IL1RAPL1: variants seen among roughly 807,000 people sequenced by gnomAD.
IL1RAPL1 encodes the protein interleukin 1 receptor accessory protein like 1, also known as interleukin-1 receptor accessory protein-like 1.
In IL1RAPL1, 3 loss-of-function variants were observed where a neutral mutation model predicts 48.4. The ratio of observed to expected loss-of-function variants is 0.06; its 90% CI spans 0.03 to 0.16. The LOEUF is 0.16. Among genes scored for constraint, IL1RAPL1 ranks in the 10% least tolerant of loss-of-function variants. The pLI, the probability that IL1RAPL1 is intolerant of heterozygous loss-of-function variation, is 1.00. For synonymous variants in IL1RAPL1, 185 were observed against 187.7 expected, an observed-to-expected ratio of 0.99 and a Z score of 0.12; for missense variants, 349 against 530.6, an observed-to-expected ratio of 0.66 and a Z score of 3.36.
chrX:29,413,506 A>ACCCCCCCCC (rs1934173718), intron 5 of IL1RAPL1, among the ~76,000 whole-genome samples: 2 of 77,336 alleles, frequency 2.6e-5, no homozygotes, highest in Admixed American at 1.6e-4. Flanking sequence ...CCTCCCCCCT[A>ACCCCCCCCC]CCCCCACCCC....
intron 6 of IL1RAPL1, among the ~76,000 whole-genome samples, chrX:29,828,057 A>G (rs974651969): frequency 2.1e-4 from 24 of 111,681 alleles, no homozygotes; most frequent in African/African-American, 7.8e-4. Flanking sequence ...CTATTTATTC[A>G]TCTCTGGGAT....
Position 29,531,247 on chromosome X carries a change from G to A in IL1RAPL1, c.703+131939G>A, listed in dbSNP as rs1400848778. On this transcript the variant is annotated intron_variant, in intron 5 of 10. Transcript: ENST00000378993. ...TACCTGTTCTTGAAAATGACAATCA[G>A]TTACTTAGGAAAGCAACTTTGAAAA... 5.4e-5 allele frequency among the ~76,000 whole-genome samples: 6 copies of A among 110,381 alleles called. No homozygotes were observed. The South Asian group carries it at 2.3e-3, about 43-fold the overall frequency.
intron 6 of IL1RAPL1, among the ~76,000 whole-genome samples, chrX:29,772,554 G>A (rs1283775639): frequency 1.8e-5 from 2 of 111,545 alleles, no homozygotes; most frequent in Non-Finnish European, 3.8e-5. Context: ...TGCGGTGAAA[G>A]GCAATAAAAG....
At chrX:29,030,500 G>A (rs1484971946) in intron 2 of IL1RAPL1, among the ~76,000 whole-genome samples, 2 of 110,716 alleles carry the variant, frequency 1.8e-5, no homozygotes, top group African/African-American at 6.6e-5. Flanking sequence ...TTTATGTTTT[G>A]CCTGTATATG....
chrX:29,475,503 G>C (rs1367268966), intron 5 of IL1RAPL1, among the ~76,000 whole-genome samples: 1 of 111,829 alleles, frequency 8.9e-6, no homozygotes, highest in African/African-American at 3.3e-5. Context: ...TGTAGATAAG[G>C]CATGGAAAAA....
In IL1RAPL1 at chrX:29,879,041, C is replaced by T. The variant is rs779258552; in HGVS notation, c.779-38423C>T. 4.5e-5 allele frequency among the ~76,000 whole-genome samples: 5 copies of T among 111,036 alleles called. No individual in the cohort carries two copies. The South Asian group carries it at 1.1e-3, about 25-fold the overall frequency. ...TGGGTGAATGGATAAAAACCAACTGCGATACAGACATACAATGGAATAGTA... is the reference window on the plus strand; with the variant it reads ...TGGGTGAATGGATAAAAACCAACTGTGATACAGACATACAATGGAATAGTA... On this transcript the variant is annotated intron_variant, in intron 6 of 10. Coordinates refer to ENST00000378993, the MANE Select transcript of IL1RAPL1 (RefSeq NM_014271.4).
chrX:29,374,827 TG>T (rs1478411175), intron 3 of IL1RAPL1, among the ~76,000 whole-genome samples: 1 of 110,737 alleles, frequency 9.0e-6, no homozygotes, highest in Non-Finnish European at 1.9e-5. Context: ...TGCACCTCTT[TG>T]GGGTCAATAA....
At chrX:29,870,763 A>C (rs1422338224) in intron 6 of IL1RAPL1, among the ~76,000 whole-genome samples, 5 of 112,236 alleles carry the variant, frequency 4.5e-5, no homozygotes, top group Middle Eastern at 9.2e-3. Flanking sequence ...AGTCACTAAG[A>C]TATACCCATA....
intron 3 of IL1RAPL1, among the ~76,000 whole-genome samples, chrX:29,393,019 T>C (rs1933872589): frequency 8.9e-6 from 1 of 112,140 alleles, no homozygotes; most frequent in African/African-American, 3.2e-5. Flanking sequence ...CTAAGCTCTT[T>C]ATGAGTTTTA....
intron 2 of IL1RAPL1, among the ~76,000 whole-genome samples, chrX:28,789,753 A>G (rs1385158150): frequency 8.9e-6 from 1 of 112,095 alleles, no homozygotes; most frequent in African/African-American, 3.2e-5. Context: ...TGGAAATATT[A>G]TTGTATCTTT....
In IL1RAPL1 at chrX:28,789,424, C is replaced by A. The variant is rs1033929254; in HGVS notation, c.81C>A (p.Ser27=). ...TGAAGGTTGTGACCAAAAGAGGCTC[C>A]GGTAAGCAGTATTCCTCTATTTTTT... is the stretch of plus-strand genomic sequence containing the variant. The part of the protein sequence containing the change: ...QSLKVVTKRG[S]ADGCTDWSID... Residue 27 remains serine (S), a splice_region_variant and synonymous_variant, in exon 2 of 11, where the codon TCC becomes TCA. Transcript: ENST00000378993. The A allele has an allele frequency of 1.7e-6, 2 of 1,179,133 alleles. No homozygotes were observed. Among genetic ancestry groups the A allele is most frequent in the Non-Finnish European group, 2.3e-6 (2 of 865,976 alleles).
intron 6 of IL1RAPL1, among the ~76,000 whole-genome samples, chrX:29,712,913 A>T (rs973114245): frequency 8.9e-6 from 1 of 112,145 alleles, no homozygotes; most frequent in African/African-American, 3.2e-5. Context: ...AGTAGTTGTT[A>T]TATATGGGAC....
intron 6 of IL1RAPL1, among the ~76,000 whole-genome samples, chrX:29,910,694 C>T (rs1486989643): frequency 1.8e-5 from 2 of 111,484 alleles, no homozygotes; most frequent in Non-Finnish European, 3.8e-5. Flanking sequence ...TTGCATGCTA[C>T]GATCCAATGA....
intron 2 of IL1RAPL1, among the ~76,000 whole-genome samples, chrX:29,027,463 A>C (rs1360446656): frequency 8.9e-6 from 1 of 112,086 alleles, no homozygotes; most frequent in Non-Finnish European, 1.9e-5. Context: ...GGTTGCATCC[A>C]AGTTTTTGCA....
intron 6 of IL1RAPL1, among the ~76,000 whole-genome samples, chrX:29,803,163 A>G (rs1367153334): frequency 9.7e-5 from 8 of 82,361 alleles, no homozygotes; most frequent in Non-Finnish European, 1.6e-4. Flanking sequence ...ATACATGCAT[A>G]CACATATGCA....
intron 2 of IL1RAPL1, among the ~76,000 whole-genome samples, chrX:28,804,014 A>G (rs1179732771): frequency 1.8e-5 from 2 of 112,074 alleles, no homozygotes; most frequent in African/African-American, 6.5e-5. Context: ...ATACCTATGA[A>G]TCATATCCTG....
chrX:29,022,869 CTAT>C (rs771835417), intron 2 of IL1RAPL1, among the ~76,000 whole-genome samples: 63 of 112,019 alleles, frequency 5.6e-4, no homozygotes, highest in Non-Finnish European at 9.6e-4. Context: ...TATTAAACAA[CTAT>C]TGATTTTAAT....
intron 6 of IL1RAPL1, among the ~76,000 whole-genome samples, chrX:29,825,831 T>C (rs1364862297): frequency 1.8e-5 from 2 of 112,006 alleles, no homozygotes. Flanking sequence ...AAAATCATTT[T>C]AAAATCTAAA....
At chrX:28,755,486 A>G (rs1189971778) in intron 1 of IL1RAPL1, among the ~76,000 whole-genome samples, 2 of 112,410 alleles carry the variant, frequency 1.8e-5, no homozygotes, top group African/African-American at 6.5e-5. Context: ...CACCTTGGAT[A>G]GTGCAGATAG....
Sources: allele counts gnomAD v4.1 joint callset (sites outside exome capture counted in the v4.1 genomes callset), GRCh38; gene constraint gnomAD v4.1.1; transcripts MANE v1.5; gene names NCBI Gene and HGNC (gene_info 2026-07-23, HGNC 2026-07-21).